IL15: variants seen among roughly 807,000 people sequenced by gnomAD.
The protein encoded by IL15 is interleukin-15.
Under a neutral mutation model 19.6 loss-of-function variants are expected in IL15, and 11 were observed. The observed-to-expected ratio is 0.56, with a 90% CI of 0.35 to 0.93. IL15 has a LOEUF of 0.93. Ranked by LOEUF, IL15 falls within the 40% of genes least tolerant of loss-of-function variation. IL15 has a pLI of 0.01. For missense variants in IL15, 197 were observed against 186.5 expected (o/e 1.06, Z -0.33); for synonymous variants, 58 against 59.6 (o/e 0.97, Z 0.12).
chr4:141,713,916 C>T (rs984691235), intron 2 of IL15, among the ~76,000 whole-genome samples: 17 of 152,056 alleles, frequency 1.1e-4, no homozygotes, highest in African/African-American at 4.1e-4. Context: ...GTACCTATTC[C>T]AGGCTTTCTT....
chr4:141,695,381 G>C (rs1004845990), intron 2 of IL15, among the ~76,000 whole-genome samples: 1 of 136,644 alleles, frequency 7.3e-6, no homozygotes, highest in African/African-American at 2.8e-5. Flanking sequence ...TGTCCTACAA[G>C]TTCACATGTT....
At chr4:141,697,086 T>C (rs1729122061) in intron 2 of IL15, among the ~76,000 whole-genome samples, 1 of 152,074 alleles carries the variant, frequency 6.6e-6, no homozygotes, top group Admixed American at 6.6e-5. Flanking sequence ...ATTCTTTGCC[T>C]AAGCCAATGT....
chr4:141,717,373 T>A (rs1729921173), intron 2 of IL15: 1 of 152,172 alleles, frequency 6.6e-6, no homozygotes, highest in Non-Finnish European at 1.5e-5. Flanking sequence ...AGGGCCCTCA[T>A]GAATGGATTA....
intron 1 of IL15, among the ~76,000 whole-genome samples, chr4:141,646,743 T>C (rs1202182419): frequency 2.6e-5 from 4 of 152,064 alleles, no homozygotes; most frequent in Non-Finnish European, 1.5e-5. Context: ...AAACTTTCAG[T>C]TTTTGGAGCT....
At chr4:141,704,549 C>A in intron 2 of IL15, 2 of 324,172 alleles carry the variant, frequency 6.2e-6, no homozygotes, top group South Asian at 2.5e-5. Context: ...CGGATTAATG[C>A]AGGCATTATA....
intron 4 of IL15, chr4:141,720,802 G>C: frequency 1.8e-6 from 1 of 551,232 alleles, no homozygotes. Context: ...AAATAAATTG[G>C]GCCTTTTGAT....
At chr4:141,689,363 T>C (rs1333199473) in intron 2 of IL15, among the ~76,000 whole-genome samples, 1 of 152,114 alleles carries the variant, frequency 6.6e-6, no homozygotes, top group Non-Finnish European at 1.5e-5. Flanking sequence ...GATTGGTGCG[T>C]TTACAATCCC....
rs752225653 is a variant in IL15 at position 141,732,719 on chromosome 4, C to T, written c.379-19C>T. Reference sequence around the variant, plus strand: ...TTTAATTATAAATTGCCAATTTAATCTCTCTCTATATTTTGCAGAATGTAA... The same window carrying T: ...TTTAATTATAAATTGCCAATTTAATTTCTCTCTATATTTTGCAGAATGTAA... On this transcript the variant is annotated intron_variant, in intron 7 of 7. Transcript: ENST00000320650. 2.4e-5 allele frequency: 39 copies of T among 1,598,588 alleles called. No homozygotes were observed. The highest frequency in any genetic ancestry group is 1.7e-4 in the Middle Eastern group (1 of 5,946).
chr4:141,706,824 G>A (rs1325699280), intron 2 of IL15, among the ~76,000 whole-genome samples: 1 of 151,836 alleles, frequency 6.6e-6, no homozygotes, highest in Non-Finnish European at 1.5e-5. Context: ...CATTTGTCTT[G>A]CAGCTTTTAG....
chr4:141,659,685 T>G (rs1191176223), intron 2 of IL15, among the ~76,000 whole-genome samples: 1 of 152,244 alleles, frequency 6.6e-6, no homozygotes, highest in African/African-American at 2.4e-5. Context: ...TAAAAAAATT[T>G]ATTCTGATCA....
intron 2 of IL15, chr4:141,718,532 G>T (rs905160470): frequency 5.3e-5 from 8 of 152,106 alleles, no homozygotes; most frequent in African/African-American, 1.7e-4. Flanking sequence ...GGACAAAAAG[G>T]TATTTCTATT....
intron 5 of IL15, among the ~76,000 whole-genome samples, chr4:141,724,956 A>G (rs981275019): frequency 1.3e-5 from 2 of 152,158 alleles, no homozygotes; most frequent in African/African-American, 4.8e-5. Flanking sequence ...GGAGGCCAGT[A>G]TTACTGTGAT....
At position 141,733,049 on chromosome 4, in the gene IL15, T is replaced by G; in HGVS notation, c.*201T>G. 1 of 572,212 alleles carries G rather than the reference T, an allele frequency of 1.7e-6. No homozygotes were observed. Among genetic ancestry groups the G allele is most frequent in the Middle Eastern group, 5.1e-4 (1 of 1,974 alleles). 35.4% of individuals were successfully genotyped at this position (572,212 alleles called of 1,614,324 possible). ...GAGTAATATAGTGACTATGAACTTC[T>G]CTCAGACTTACTTTACTCATTTTTT... On this transcript the variant is annotated 3_prime_UTR_variant, in exon 8 of 8. Coordinates refer to ENST00000320650, the MANE Select transcript of IL15 (RefSeq NM_000585.5).
At chr4:141,673,191 A>G (rs759756774) in intron 2 of IL15, among the ~76,000 whole-genome samples, 2 of 152,190 alleles carry the variant, frequency 1.3e-5, no homozygotes, top group African/African-American at 2.4e-5. Context: ...CCACTTTAGC[A>G]TTTTCATTCA....
At chr4:141,690,248 C>A (rs1161924998) in intron 2 of IL15, among the ~76,000 whole-genome samples, 2 of 152,360 alleles carry the variant, frequency 1.3e-5, no homozygotes, top group East Asian at 1.9e-4. Context: ...TCCCTCCACA[C>A]CTCCCTGCAA....
chr4:141,714,214 C>G (rs1729799169), intron 2 of IL15, among the ~76,000 whole-genome samples: 2 of 152,040 alleles, frequency 1.3e-5, no homozygotes, highest in Non-Finnish European at 1.5e-5. Flanking sequence ...CCTACCAGCC[C>G]CATCCCCCTT....
chr4:141,707,600 T>C (rs571254071), intron 2 of IL15, among the ~76,000 whole-genome samples: 3 of 152,348 alleles, frequency 2.0e-5, no homozygotes, highest in East Asian at 1.9e-4. Flanking sequence ...GCATGGTGAA[T>C]GGCTTTGATT....
chr4:141,723,833 CAA>C, intron 5 of IL15, among the ~76,000 whole-genome samples: 1 of 152,126 alleles, frequency 6.6e-6, no homozygotes, highest in East Asian at 1.9e-4. Flanking sequence ...AACGAAGACT[CAA>C]AATTTGTGAA....
chr4:141,692,498 C>T (rs1281395680), intron 2 of IL15, among the ~76,000 whole-genome samples: 2 of 152,166 alleles, frequency 1.3e-5, no homozygotes, highest in Non-Finnish European at 2.9e-5. Flanking sequence ...AGTTCAATTT[C>T]AAACTATCTC....
Sources: allele counts gnomAD v4.1 joint callset (sites outside exome capture counted in the v4.1 genomes callset), GRCh38; gene constraint gnomAD v4.1.1; transcripts MANE v1.5; gene names NCBI Gene and HGNC (gene_info 2026-07-23, HGNC 2026-07-21).